MOCOS: variants seen among roughly 807,000 people sequenced by gnomAD.
MOCOS encodes human molybdenum cofactor sulfurase.
Under a neutral mutation model 83.6 loss-of-function variants are expected in MOCOS, and 86 were observed. That is an observed-to-expected ratio of 1.03 (90% CI 0.86 to 1.23). The LOEUF (loss-of-function observed/expected upper bound fraction) is 1.23. MOCOS is among the 50% of genes most tolerant of loss of function. The pLI is 0.00. For synonymous variants in MOCOS, 445 were observed against 434.7 expected (o/e 1.02, Z -0.29); for missense variants, 1,120 against 1,126.9 (o/e 0.99, Z 0.09).
intron 9 of MOCOS, among the ~76,000 whole-genome samples, chr18:36,231,110 T>C (rs1033573976): frequency 6.6e-6 from 1 of 152,224 alleles, no homozygotes; most frequent in African/African-American, 2.4e-5. Context: ...AAGTAGTTCT[T>C]TTCCTATTTT....
intron 8 of MOCOS, among the ~76,000 whole-genome samples, chr18:36,216,868 T>TG (rs1284591981): frequency 6.6e-6 from 1 of 152,122 alleles, no homozygotes; most frequent in Non-Finnish European, 1.5e-5. Flanking sequence ...GACAAATGAA[T>TG]GGGGTGTGTC....
At position 36,203,067 on chromosome 18, in the gene MOCOS, T is replaced by C. The variant is rs579596; in HGVS notation, c.942-46T>C. 792,288 of 1,554,142 alleles carry C rather than the reference T, an allele frequency of 0.51. 204,986 individuals are homozygous for C. The highest frequency in any genetic ancestry group is 0.56 in the East Asian group (25,098 of 44,550). ...TATATACCACGAAATGCACATGGAT[T>C]GTTTTGACCACAGCTTGACCTGTTC... On this transcript the variant is annotated intron_variant, in intron 4 of 14. Coordinates refer to ENST00000261326, the MANE Select transcript of MOCOS (RefSeq NM_017947.4).
At chr18:36,251,395 A>G (rs1400379654) in intron 11 of MOCOS, 112 bp downstream of exon 11, 1 of 1,400,342 alleles carries the variant, frequency 7.1e-7, no homozygotes, top group African/African-American at 1.4e-5. Context: ...TATGGAAAGC[A>G]GGGGTCATCA....
At chr18:36,195,854 A>G (rs949587979) in intron 2 of MOCOS, among the ~76,000 whole-genome samples, 1 of 152,262 alleles carries the variant, frequency 6.6e-6, no homozygotes, top group Non-Finnish European at 1.5e-5. Context: ...GTGAAGGACT[A>G]TGGACAAAAG....
chr18:36,195,826 G>A (rs762448153), intron 2 of MOCOS, among the ~76,000 whole-genome samples: 4 of 152,248 alleles, frequency 2.6e-5, no homozygotes, highest in Non-Finnish European at 5.9e-5. Context: ...ACTCCAAATA[G>A]ATGTGATTAC....
intron 9 of MOCOS, among the ~76,000 whole-genome samples, chr18:36,247,774 C>G (rs965741858): frequency 1.3e-5 from 2 of 152,196 alleles, no homozygotes; most frequent in African/African-American, 4.8e-5. Context: ...CAGCAGCAAG[C>G]TGCTTCTTTC....
intron 9 of MOCOS, among the ~76,000 whole-genome samples, chr18:36,225,306 C>T (rs1012088409): frequency 1.3e-5 from 2 of 152,086 alleles, no homozygotes; most frequent in African/African-American, 4.8e-5. Context: ...TGCGCACCAC[C>T]ATGCCCAGCT....
At chr18:36,264,455 G>A (rs2091674597) in intron 13 of MOCOS, among the ~76,000 whole-genome samples, 1 of 152,180 alleles carries the variant, frequency 6.6e-6, no homozygotes, top group African/African-American at 2.4e-5. Context: ...CGAGGACACA[G>A]CTTTGTGGCG....
chr18:36,211,542 G>A (rs1325008132), intron 6 of MOCOS, among the ~76,000 whole-genome samples: 1 of 152,074 alleles, frequency 6.6e-6, no homozygotes, highest in Non-Finnish European at 1.5e-5. Flanking sequence ...CCCGGGCTGG[G>A]AGCCTCCAGG....
chr18:36,261,765 T>C (rs990942029), intron 13 of MOCOS, among the ~76,000 whole-genome samples: 12 of 152,274 alleles, frequency 7.9e-5, no homozygotes, highest in African/African-American at 2.9e-4. Context: ...GTTTCCCTCA[T>C]CCCTCCATCC....
At chr18:36,190,895 G>C (rs59414197) in intron 1 of MOCOS, among the ~76,000 whole-genome samples, 5 of 151,772 alleles carry the variant, frequency 3.3e-5, no homozygotes, top group South Asian at 4.2e-4. Flanking sequence ...AAATTAGCCC[G>C]GTGTGGTGGC....
intron 11 of MOCOS, 173 bp from the exon 12 acceptor site, chr18:36,256,795 C>G: frequency 1.5e-6 from 1 of 648,210 alleles, no homozygotes; most frequent in Non-Finnish European, 2.8e-6. Flanking sequence ...CCTTTTGCCT[C>G]TTTATTGAGA....
rs1166206501 is a variant in MOCOS at position 36,199,777 on chromosome 18, C to G, written c.394C>G (p.Pro132Ala). ...AALKLVAEAF[P>A]WVSQGPESSG... ...TCTCAAACTGGTGGCAGAGGCCTTT[C>G]CATGGGTGTCCCAGGGCCCAGAGAG... The change falls in exon 4 of 15, where the codon CCA (proline) becomes GCA (alanine). Residue 132 changes from proline to alanine, a missense_variant. Transcript: ENST00000261326. The G allele has an allele frequency of 1.2e-6, 2 of 1,614,068 alleles. No individual in the cohort carries two copies. The highest frequency in any genetic ancestry group is 1.7e-6 in the Non-Finnish European group (2 of 1,180,048).
Position 36,208,099 on chromosome 18 carries a change from G to T in MOCOS, c.1218+2823G>T, listed in dbSNP as rs536827251. Among the ~76,000 whole-genome samples, 154 of 152,256 alleles carry T rather than the reference G, an allele frequency of 1.0e-3. 1 individual carries two copies. Among genetic ancestry groups the T allele is most frequent in the African/African-American group, 3.5e-3 (144 of 41,556 alleles). ...TGTCTACTTTGTCAAAGATCTGAGGGTTGTAGGTGTGCGGCTTTATTTCTG... is the reference window on the plus strand; with the variant it reads ...TGTCTACTTTGTCAAAGATCTGAGGTTTGTAGGTGTGCGGCTTTATTTCTG... On this transcript the variant is annotated intron_variant, in intron 6 of 14. Transcript: ENST00000261326.
chr18:36,213,197 G>T (rs2091461712), intron 6 of MOCOS, among the ~76,000 whole-genome samples, 169 bp from the exon 7 acceptor site: 2 of 152,160 alleles, frequency 1.3e-5, no homozygotes, highest in Non-Finnish European at 1.5e-5. Context: ...CAGCCCCACT[G>T]AAACATTTTA....
At chr18:36,201,317 G>A (rs931531654) in intron 4 of MOCOS, among the ~76,000 whole-genome samples, 4 of 152,212 alleles carry the variant, frequency 2.6e-5, no homozygotes, top group Non-Finnish European at 5.9e-5. Context: ...GCACACCAGC[G>A]AGGGGACATG....
rs58062047 is a variant in MOCOS at position 36,263,904 on chromosome 18, C to T, written c.2410-2845C>T. Among the ~76,000 whole-genome samples, 33 of 152,124 alleles carry T rather than the reference C, an allele frequency of 2.2e-4. No homozygotes were observed. In the East Asian group the frequency reaches 5.8e-3, roughly 27 times the overall value. On this transcript the variant is annotated intron_variant, in intron 13 of 14. Coordinates refer to ENST00000261326, the MANE Select transcript of MOCOS (RefSeq NM_017947.4). ...TTGTATTGGTGTTTGGGGCTGGGTG[C>T]GGTGGCTCATGCCTATAATCCCAGC...
chr18:36,218,832 TTTTATTTTA>T (rs1353549120), intron 8 of MOCOS, among the ~76,000 whole-genome samples: 17 of 143,154 alleles, frequency 1.2e-4, no homozygotes, highest in African/African-American at 3.2e-4. Context: ...ACTCACTTTA[TTTTATTTTA>T]TTTATTTATT....
chr18:36,228,836 G>GAAAA (rs34976015), intron 9 of MOCOS, among the ~76,000 whole-genome samples: 2 of 116,418 alleles, frequency 1.7e-5, no homozygotes, highest in African/African-American at 3.3e-5. Context: ...CTTAAAAGTT[G>GAAAA]AAAAAAAAAA....
Sources: allele counts gnomAD v4.1 joint callset (sites outside exome capture counted in the v4.1 genomes callset), GRCh38; gene constraint gnomAD v4.1.1; transcripts MANE v1.5; gene names NCBI Gene and HGNC (gene_info 2026-07-23, HGNC 2026-07-21).